The following CGNL1 variants were observed in gnomAD, a reference collection of about 807,000 sequenced individuals.
The protein encoded by CGNL1 is cingulin like 1.
In CGNL1, 132 loss-of-function variants were observed where a neutral mutation model predicts 141.2. The observed-to-expected ratio is 0.93, with a 90% CI of 0.81 to 1.08. The LOEUF is 1.08. CGNL1 is among the 50% of genes least tolerant of loss of function. CGNL1 has a pLI of 0.00. For missense variants in CGNL1, 1,870 were observed against 1,588.6 expected (o/e 1.18, Z -3.01); for synonymous variants, 690 against 622.1 (o/e 1.11, Z -1.63).
At chr15:57,464,860 C>G (rs1441201476) in intron 8 of CGNL1, among the ~76,000 whole-genome samples, 1 of 151,966 alleles carries the variant, frequency 6.6e-6, no homozygotes, top group Admixed American at 6.6e-5. Flanking sequence ...AGCAGTTCTC[C>G]TGCCTCAGCC....
chr15:57,483,372 A>G (rs2063749792), intron 8 of CGNL1, among the ~76,000 whole-genome samples: 1 of 152,058 alleles, frequency 6.6e-6, no homozygotes, highest in Non-Finnish European at 1.5e-5. Context: ...CATTGCTAGT[A>G]TACAGAAATG....
intron 7 of CGNL1, among the ~76,000 whole-genome samples, chr15:57,460,821 T>C (rs2063436413): frequency 6.6e-6 from 1 of 152,116 alleles, no homozygotes; most frequent in South Asian, 2.1e-4. Context: ...AGCCAAACCA[T>C]GTCAATAACT....
intron 1 of CGNL1, among the ~76,000 whole-genome samples, chr15:57,410,817 C>G (rs1269052081): frequency 6.6e-6 from 1 of 152,082 alleles, no homozygotes; most frequent in Non-Finnish European, 1.5e-5. Flanking sequence ...CTTCTTTTCT[C>G]TCTTGCTAAA....
At chr15:57,426,204 G>C (rs534773156) in intron 1 of CGNL1, among the ~76,000 whole-genome samples, 72 of 152,090 alleles carry the variant, frequency 4.7e-4, no homozygotes, top group Non-Finnish European at 7.6e-4. Flanking sequence ...GAGTACAGGG[G>C]CATGATCTCG....
chr15:57,447,512 G>T (rs1316159196), intron 4 of CGNL1, among the ~76,000 whole-genome samples: 1 of 152,204 alleles, frequency 6.6e-6, no homozygotes, highest in African/African-American at 2.4e-5. Flanking sequence ...TCTCTTGAAA[G>T]TGATGTGTCT....
At chr15:57,514,649 C>G (rs187615479) in intron 8 of CGNL1, among the ~76,000 whole-genome samples, 115 of 152,250 alleles carry the variant, frequency 7.6e-4, no homozygotes, top group Admixed American at 2.4e-3. Flanking sequence ...GTCACTTGTA[C>G]TTTTGGTGTT....
chr15:57,390,754 A>G (rs1009670525), intron 1 of CGNL1, among the ~76,000 whole-genome samples: 1 of 152,086 alleles, frequency 6.6e-6, no homozygotes, highest in South Asian at 2.1e-4. Context: ...GACATTGATC[A>G]TATCCTTTCA....
intron 1 of CGNL1, among the ~76,000 whole-genome samples, chr15:57,405,778 C>CTT (rs1491208682): frequency 6.6e-5 from 2 of 30,158 alleles, no homozygotes; most frequent in African/African-American, 1.0e-4. Context: ...CTTTCTCTTT[C>CTT]TTTCTTTCTT....
At chr15:57,382,097 C>T (rs1352454912) in intron 1 of CGNL1, among the ~76,000 whole-genome samples, 6 of 152,172 alleles carry the variant, frequency 3.9e-5, no homozygotes, top group African/African-American at 1.4e-4. Flanking sequence ...TAAAACGAAG[C>T]TGTGCACATC....
chr15:57,443,390 A>G (rs1402227429), intron 4 of CGNL1, among the ~76,000 whole-genome samples: 1 of 152,070 alleles, frequency 6.6e-6, no homozygotes, highest in African/African-American at 2.4e-5. Context: ...CTTGTGTGGA[A>G]CTCATTTCTT....
intron 1 of CGNL1, among the ~76,000 whole-genome samples, chr15:57,428,327 C>T (rs542233359): frequency 6.6e-6 from 1 of 152,350 alleles, no homozygotes; most frequent in South Asian, 2.1e-4. Context: ...GGGTCTAAAT[C>T]TTGGTGCTGC....
intron 8 of CGNL1, among the ~76,000 whole-genome samples, chr15:57,500,997 A>T (rs2152388504): frequency 6.6e-6 from 1 of 152,326 alleles, no homozygotes; most frequent in East Asian, 1.9e-4. Flanking sequence ...TAAAGTATAG[A>T]ATACATGTGT....
intron 11 of CGNL1, 66 bp from the exon 12 acceptor site, chr15:57,524,515 A>C: frequency 6.9e-7 from 1 of 1,440,610 alleles, no homozygotes. Flanking sequence ...TGTGTGTTGA[A>C]ATGGGACCCA....
intron 1 of CGNL1, among the ~76,000 whole-genome samples, chr15:57,431,124 C>G (rs2063039976): frequency 6.6e-6 from 1 of 152,128 alleles, no homozygotes; most frequent in African/African-American, 2.4e-5. Context: ...CCTTTTTGTA[C>G]AAGGTGGGTT....
intron 1 of CGNL1, among the ~76,000 whole-genome samples, chr15:57,385,798 G>A (rs747859124): frequency 6.6e-6 from 1 of 152,226 alleles, no homozygotes; most frequent in Non-Finnish European, 1.5e-5. Context: ...TTATGACTGG[G>A]GTGGTGATGG....
intron 1 of CGNL1, among the ~76,000 whole-genome samples, chr15:57,393,087 G>A (rs2062560883): frequency 6.6e-6 from 1 of 152,204 alleles, no homozygotes; most frequent in African/African-American, 2.4e-5. Flanking sequence ...AAGGGTGGAA[G>A]GAGGGGAGGT....
At position 57,546,081 on chromosome 15, in the gene CGNL1, C is replaced by T; in HGVS notation, c.3615C>T (p.Ser1205=). 4 of 1,612,598 alleles carry T rather than the reference C, an allele frequency of 2.5e-6. No individual in the cohort carries two copies. Among genetic ancestry groups the T allele is most frequent in the Middle Eastern group, 1.7e-4 (1 of 5,738 alleles). The change falls in exon 18 of 19, where the codon AGC becomes AGT. Residue 1205 remains serine (S), a synonymous_variant. Transcript: ENST00000281282. ...CACATTCTCTCCCGGTGCAGCTGAG[C>T]TTGCGTTTGAAAGCCATGAAGCGGC... ...LSLTDQKDQL[S]LRLKAMKRQV...
At chr15:57,532,846 T>C (rs2032029354) in intron 14 of CGNL1, among the ~76,000 whole-genome samples, 1 of 152,214 alleles carries the variant, frequency 6.6e-6, no homozygotes, top group Non-Finnish European at 1.5e-5. Context: ...GGCCAATAGA[T>C]TGTTATTCAT....
At chr15:57,483,208 C>T (rs774364350) in intron 8 of CGNL1, among the ~76,000 whole-genome samples, 2 of 152,168 alleles carry the variant, frequency 1.3e-5, no homozygotes, top group Non-Finnish European at 2.9e-5. Flanking sequence ...CTAAGTAAAT[C>T]TCCATTTATT....
Sources: gnomAD v4.1 joint callset for allele counts (sites outside exome capture counted in the v4.1 genomes callset) on GRCh38, gnomAD v4.1.1 for gene constraint, MANE v1.5 for transcripts, NCBI Gene and HGNC (gene_info 2026-07-23, HGNC 2026-07-21) for gene names.